KRT75: variants seen among roughly 807,000 people sequenced by gnomAD.
The protein encoded by KRT75 is keratin, type II cytoskeletal 75.
Under a neutral mutation model 48.8 loss-of-function variants are expected in KRT75, and 35 were observed. That is an observed-to-expected ratio of 0.72 (90% CI 0.55 to 0.95). KRT75 has a LOEUF of 0.95. Ranked by LOEUF, KRT75 falls within the 40% of genes least tolerant of loss-of-function variation. The probability of loss-of-function intolerance (pLI) is 0.00; values close to 1 mark genes in which losing one functional copy is unlikely to be tolerated. For missense variants in KRT75, 776 were observed against 709.9 expected (o/e 1.09, Z -1.06); for synonymous variants, 301 against 282.3 (o/e 1.07, Z -0.66).
intron 5 of KRT75, 23 bp downstream of exon 5, chr12:52,430,518 C>T (rs423949): frequency 2.5e-6 from 4 of 1,612,388 alleles, no homozygotes; most frequent in Non-Finnish European, 3.4e-6. Flanking sequence ...CCTGGAACCT[C>T]TCATGGAGGT....
intron 2 of KRT75, among the ~76,000 whole-genome samples, chr12:52,432,379 T>G (rs946485333): frequency 6.6e-6 from 1 of 152,218 alleles, no homozygotes; most frequent in Non-Finnish European, 1.5e-5. Flanking sequence ...CCACCTCAAG[T>G]GTCTACCGAA....
At chr12:52,430,800 T>C in intron 4 of KRT75, 95 bp from the exon 5 acceptor site, 1 of 1,341,628 alleles carries the variant, frequency 7.5e-7, no homozygotes. Flanking sequence ...ATCCTTTCCT[T>C]GGTATTCCTG....
In KRT75 at chr12:52,424,599, C is replaced by G. The variant is rs1275332371; in HGVS notation, c.1574G>C (p.Ser525Thr). 1 of 1,614,212 alleles carries G rather than the reference C, an allele frequency of 6.2e-7. No individual in the cohort carries two copies. Residue 525 changes from serine (S) to threonine (T), a missense_variant, in exon 9 of 9, where the codon AGC becomes ACC. Transcript: ENST00000252245. ...GLGGSGFSAT[S>T]NRGLGGSGSS... ...ACCACTGCCCCCTAAGCCCCGGTTG[C>G]TGGTGGCACTGAATCCAGAACCTCC...
At position 52,426,811 on chromosome 12, in the gene KRT75, A is replaced by C; in HGVS notation, c.1417+6T>G. 2 of 1,613,976 alleles carry C rather than the reference A, an allele frequency of 1.2e-6. No individual in the cohort carries two copies. The highest frequency in any genetic ancestry group is 1.7e-6 in the Non-Finnish European group (2 of 1,179,884). On this transcript the variant is annotated splice_donor_region_variant and intron_variant, in intron 8 of 8. Coordinates refer to ENST00000252245, the MANE Select transcript of KRT75 (RefSeq NM_004693.3). ...CCAAATGGCCCAAGAAGTATGTCAT[A>C]CTCACAAATGTTAACTGGAGAAACT...
At position 52,431,523 on chromosome 12, in the gene KRT75, A is replaced by T; in HGVS notation, c.870+20T>A. 1 of 1,537,284 alleles carries T rather than the reference A, an allele frequency of 6.5e-7. No individual in the cohort carries two copies. Among genetic ancestry groups the T allele is most frequent in the Non-Finnish European group, 9.0e-7 (1 of 1,109,890 alleles). ...CAGGCTCCAGACCTAGGAGAGACAG[A>T]AATACTTGCAGACTCTTACTGCATC... On this transcript the variant is annotated intron_variant, in intron 4 of 8. Coordinates refer to ENST00000252245, the MANE Select transcript of KRT75 (RefSeq NM_004693.3).
intron 4 of KRT75, among the ~76,000 whole-genome samples, 159 bp from the exon 5 acceptor site, chr12:52,430,864 G>A (rs1174627538): frequency 1.3e-5 from 2 of 152,186 alleles, no homozygotes; most frequent in African/African-American, 4.8e-5. Flanking sequence ...AAAGATCAGT[G>A]TGGTGAAAAT....
intron 7 of KRT75, among the ~76,000 whole-genome samples, chr12:52,427,831 G>A (rs1940092686): frequency 6.6e-6 from 1 of 152,152 alleles, no homozygotes; most frequent in African/African-American, 2.4e-5. Flanking sequence ...CATGTAATCT[G>A]ACCTTTTCAT....
intron 5 of KRT75, among the ~76,000 whole-genome samples, chr12:52,430,211 A>C (rs1348337456): frequency 6.6e-6 from 1 of 152,144 alleles, no homozygotes; most frequent in African/African-American, 2.4e-5. Context: ...AGGAGCTCAG[A>C]AAATATATAG....
At chr12:52,429,653 G>A (rs974118815) in intron 5 of KRT75, among the ~76,000 whole-genome samples, 3 of 152,180 alleles carry the variant, frequency 2.0e-5, no homozygotes, top group Non-Finnish European at 2.9e-5. Flanking sequence ...TCACCTTGGG[G>A]TTAAGTGCAT....
rs1940048190 is a variant in KRT75, at chr12:52,424,206, T to TGGAG, written c.*307_*310dup. Reference sequence around the variant, plus strand: ...TGAGAGACTCCCCAGCCTCTGCATCTGGAGGGAGGGAGGGAGGTGGAGCTG... The same window carrying TGGAG: ...TGAGAGACTCCCCAGCCTCTGCATCTGGAGGGAGGGAGGGAGGGAGGTGGAGCTG... On this transcript the variant is annotated 3_prime_UTR_variant, in exon 9 of 9. Transcript: ENST00000252245. 1 of 454,234 alleles carries TGGAG rather than the reference T, an allele frequency of 2.2e-6. No individual in the cohort carries two copies. Among genetic ancestry groups the TGGAG allele is most frequent in the South Asian group, 2.1e-5 (1 of 46,968 alleles). 28.1% of individuals were successfully genotyped at this position (454,234 alleles called of 1,614,324 possible).
chr12:52,431,970 T>G, intron 3 of KRT75, 36 bp downstream of exon 3: 4 of 1,609,422 alleles, frequency 2.5e-6, no homozygotes, highest in Non-Finnish European at 3.4e-6. Context: ...GATTCCATTT[T>G]AAACCTTCTC....
In KRT75 at chr12:52,428,334, T is replaced by C; in HGVS notation, c.1304A>G (p.Gln435Arg). 6.2e-7 allele frequency: 1 copy of C among 1,614,118 alleles called. No homozygotes were observed. Among genetic ancestry groups the C allele is most frequent in the Non-Finnish European group, 8.5e-7 (1 of 1,180,026 alleles). ...GGCCAGCTTGATGTTCATCAGCTCC[T>C]GGTACTCACGCAGGAGCCGAGCCAT... is the stretch of plus-strand genomic sequence containing the variant. ...QDMARLLREY[Q>R]ELMNIKLALD... The change falls in exon 7 of 9, where the codon CAG becomes CGG. Residue 435 changes from glutamine (Q) to arginine (R), a missense_variant. Transcript: ENST00000252245.
chr12:52,424,415 A>G lies in KRT75; in HGVS notation c.*102T>C. The G allele has an allele frequency of 9.1e-7, 1 of 1,098,108 alleles. No homozygotes were observed. Among genetic ancestry groups the G allele is most frequent in the East Asian group, 2.4e-5 (1 of 42,448 alleles). 68.0% of individuals were successfully genotyped at this position (1,098,108 alleles called of 1,614,324 possible). On this transcript the variant is annotated 3_prime_UTR_variant, in exon 9 of 9. Transcript: ENST00000252245. ...GCCAGTACTCCAGGCTCCCAGCAGC[A>G]CAGGTGCACCTTACAAGGAGAGAGG...
At chr12:52,431,162 C>G (rs1341452663) in intron 4 of KRT75, among the ~76,000 whole-genome samples, 1 of 151,264 alleles carries the variant, frequency 6.6e-6, no homozygotes, top group African/African-American at 2.4e-5. Flanking sequence ...GGGTAGGAAG[C>G]CCCCTGACCA....
Position 52,424,691 on chromosome 12 carries a change from C to G in KRT75, c.1482G>C (p.Leu494=). The change falls in exon 9 of 9, where the codon CTG becomes CTC. Residue 494 remains leucine (L), a synonymous_variant. Coordinates refer to ENST00000252245, the MANE Select transcript of KRT75 (RefSeq NM_004693.3). ...GSGSSIGGGN[L]GLGGGSGYSF... ...AGTAGCCGCTGCCCCCACCGAGGCCCAGGTTTCCACCTCCAATGCTGCTGC... is the reference window on the plus strand; with the variant it reads ...AGTAGCCGCTGCCCCCACCGAGGCCGAGGTTTCCACCTCCAATGCTGCTGC... 6.2e-7 allele frequency: 1 copy of G among 1,614,156 alleles called. No homozygotes were observed. The highest frequency in any genetic ancestry group is 8.5e-7 in the Non-Finnish European group (1 of 1,180,018).
rs1334091486 is a variant in KRT75 at position 52,433,815 on chromosome 12, T to G, written c.490A>C (p.Ile164Leu). 1 of 1,613,978 alleles carries G rather than the reference T, an allele frequency of 6.2e-7. No individual in the cohort carries two copies. Among genetic ancestry groups the G allele is most frequent in the African/African-American group, 1.3e-5 (1 of 74,916 alleles). The change falls in exon 1 of 9, where the codon ATC (isoleucine) becomes CTC (leucine). Residue 164 changes from isoleucine to leucine, a missense_variant. Ile to Leu is a conservative substitution (Grantham distance 5). Transcript: ENST00000252245. ...ATGAAGCCCCTGCTTACCTTGTCGA[T>G]GAAGGAGGCGAACTTATTGTTGAGG... ...KTLNNKFASF[I>L]DKVRFLEQQN...
At chr12:52,430,321 T>C (rs1267778625) in intron 5 of KRT75, among the ~76,000 whole-genome samples, 1 of 152,076 alleles carries the variant, frequency 6.6e-6, no homozygotes, top group Non-Finnish European at 1.5e-5. Context: ...GTGGGGCCAG[T>C]GGATGTCCTG....
chr12:52,425,337 A>G (rs1165630232), intron 8 of KRT75, among the ~76,000 whole-genome samples: 1 of 152,218 alleles, frequency 6.6e-6, no homozygotes, highest in African/African-American at 2.4e-5. Flanking sequence ...GGAAAATCAA[A>G]TTTTAAAAAA....
chr12:52,430,247 G>A (rs1352374205), intron 5 of KRT75, among the ~76,000 whole-genome samples: 1 of 152,094 alleles, frequency 6.6e-6, no homozygotes, highest in Non-Finnish European at 1.5e-5. Flanking sequence ...TTTAGAAACT[G>A]CTTCATGACT....
Sources: allele counts gnomAD v4.1 joint callset (sites outside exome capture counted in the v4.1 genomes callset), GRCh38; gene constraint gnomAD v4.1.1; transcripts MANE v1.5; gene names NCBI Gene and HGNC (gene_info 2026-07-23, HGNC 2026-07-21).